Variants in DDX3X observed in about 807,000 individuals in gnomAD.
The protein encoded by DDX3X is DEAD-box helicase 3 X-linked.
DDX3X carries 4 observed loss-of-function variants against 52.7 expected under a neutral mutation model. The ratio of observed to expected loss-of-function variants is 0.08; its 90% CI spans 0.04 to 0.17. The LOEUF (loss-of-function observed/expected upper bound fraction) is 0.17. Ranked by LOEUF, DDX3X falls within the 10% of genes least tolerant of loss-of-function variation. The pLI is 1.00. For synonymous variants in DDX3X, 192 were observed against 178.1 expected (o/e 1.08, Z -0.62); for missense variants, 222 against 548.6 (o/e 0.40, Z 5.95).
intron 15 of DDX3X, 94 bp from the exon 16 acceptor site, chrX:41,347,218 A>G (rs747021690): frequency 9.6e-7 from 1 of 1,044,255 alleles, no homozygotes; most frequent in East Asian, 3.1e-5. Flanking sequence ...GAATTGTTTG[A>G]ATGGAAAAAT....
intron 5 of DDX3X, among the ~76,000 whole-genome samples, chrX:41,357,320 G>C (rs1311887581): frequency 1.8e-5 from 2 of 110,966 alleles, no homozygotes; most frequent in Non-Finnish European, 3.8e-5. Context: ...AAGTAATTTA[G>C]CTCTTCTAGT....
At chrX:41,341,816 A>G in intron 4 of DDX3X, 200 bp downstream of exon 4, 2 of 369,743 alleles carry the variant, frequency 5.4e-6, no homozygotes, top group Non-Finnish European at 9.3e-6. Flanking sequence ...TAATGAAATG[A>G]GTTATTCTAT....
chrX:41,345,524 C>T lies in DDX3X; in HGVS notation c.1291C>T (p.Leu431=), dbSNP rs2063911566. 3 of 1,202,984 alleles carry T rather than the reference C, an allele frequency of 2.5e-6. No individual in the cohort carries two copies. Among genetic ancestry groups the T allele is most frequent in the Non-Finnish European group, 3.4e-6 (3 of 892,368 alleles). ...GGAAGAATCAGACAAACGGTCATTTCTGCTTGACCTCCTAAATGCAACAGG... is the reference window on the plus strand; with the variant it reads ...GGAAGAATCAGACAAACGGTCATTTTTGCTTGACCTCCTAAATGCAACAGG... The part of the protein sequence containing the change: ...WVEESDKRSF[L]LDLLNATGKD... Residue 431 remains leucine, a synonymous_variant, in exon 12 of 17, where the codon CTG becomes TTG. Transcript: ENST00000644876.
At position 41,347,862 on chromosome X, in the gene DDX3X, A is replaced by G; in HGVS notation, c.*143A>G. 4.6e-6 allele frequency: 2 copies of G among 434,287 alleles called. No homozygotes were observed. The highest frequency in any genetic ancestry group is 7.9e-6 in the Non-Finnish European group (2 of 251,936). 35.8% of individuals were successfully genotyped at this position (434,287 alleles called of 1,213,427 possible). On this transcript the variant is annotated 3_prime_UTR_variant, in exon 17 of 17. Transcript: ENST00000644876. Reference sequence around the variant, plus strand: ...TCCACTGAAATTTTTTTTTTAAGGGAGCTCAAGGTCACAAGAAGAAATGAA... The same window carrying G: ...TCCACTGAAATTTTTTTTTTAAGGGGGCTCAAGGTCACAAGAAGAAATGAA...
At chrX:41,341,668 G>C in intron 4 of DDX3X, 52 bp downstream of exon 4, 1 of 1,114,410 alleles carries the variant, frequency 9.0e-7, no homozygotes. Flanking sequence ...AGTTTAATAA[G>C]TCGTTATCCT....
chrX:41,337,475 A>G lies in DDX3X; in HGVS notation c.103+10A>G. On this transcript the variant is annotated intron_variant, in intron 2 of 16. Transcript: ENST00000644876. ...GGAAGTACAGCCAGCAGTAAGTACA[A>G]CATCTTGTGGGTTTATTGAATATTA... 8.4e-7 allele frequency: 1 copy of G among 1,185,767 alleles called. No homozygotes were observed. Among genetic ancestry groups the G allele is most frequent in the African/African-American group, 1.7e-5 (1 of 57,280 alleles).
At chrX:41,338,320 CTTAT>C (rs1398743252) in intron 2 of DDX3X, 2 of 111,447 alleles carry the variant, frequency 1.8e-5, no homozygotes, top group Non-Finnish European at 3.8e-5. Context: ...TAACTTTCAC[CTTAT>C]TTGTCATGCT....
chrX:41,340,612 G>T (rs765273813), intron 3 of DDX3X: 10 of 269,422 alleles, frequency 3.7e-5, no homozygotes, highest in Admixed American at 1.3e-4. Flanking sequence ...AATATATAGT[G>T]ATGAGGGTTT....
At chrX:41,347,483 G>C in intron 16 of DDX3X, 32 bp downstream of exon 16, 1 of 1,198,180 alleles carries the variant, frequency 8.3e-7, no homozygotes, top group Non-Finnish European at 1.1e-6. Flanking sequence ...ATAGCTTTGG[G>C]AAGGGTTTTT....
At chrX:41,362,988 A>G (rs1313517765) in intron 5 of DDX3X, among the ~76,000 whole-genome samples, 1 of 112,368 alleles carries the variant, frequency 8.9e-6, no homozygotes, top group African/African-American at 3.2e-5. Context: ...TAAAAGTAAA[A>G]TGCTCTCTAT....
At chrX:41,345,348 T>C (rs1263124692) in intron 11 of DDX3X, 24 bp downstream of exon 11, 1 of 1,202,639 alleles carries the variant, frequency 8.3e-7, no homozygotes, top group Non-Finnish European at 1.1e-6. Flanking sequence ...TTGCAAATTT[T>C]ATTTATTTAG....
chrX:41,334,815 G>T (rs181703578), intron 1 of DDX3X: 1 of 877,670 alleles, frequency 1.1e-6, no homozygotes, highest in African/African-American at 2.1e-5. Flanking sequence ...CTTCGCTCGG[G>T]GTAATGGCGG....
chrX:41,343,921 AG>A lies in DDX3X; in HGVS notation c.765+100del, dbSNP rs757557752. On this transcript the variant is annotated intron_variant, in intron 8 of 16. Transcript: ENST00000644876. Reference sequence around the variant, plus strand: ...CTAAGACTTAAGTAGAATGAAAACCAGTTTTCAAGTGTAATCTGTAATCTAT... The same window carrying A: ...CTAAGACTTAAGTAGAATGAAAACCATTTTCAAGTGTAATCTGTAATCTAT... The A allele has an allele frequency of 4.2e-4, 416 of 986,246 alleles. 1 individual carries two copies. Among genetic ancestry groups the A allele is most frequent in the Non-Finnish European group, 2.8e-4 (200 of 714,141 alleles). 81.3% of individuals were successfully genotyped at this position (986,246 alleles called of 1,213,427 possible). A position where few individuals can be genotyped will look rare whatever the true frequency, so the allele number is the denominator to read the frequency against.
intron 4 of DDX3X, 21 bp downstream of exon 4, chrX:41,341,637 C>A (rs1418689520): frequency 8.4e-7 from 1 of 1,196,014 alleles, no homozygotes; most frequent in South Asian, 1.8e-5. Context: ...TCTTAATCAC[C>A]TTACGTGTAT....
intron 4 of DDX3X, chrX:41,342,062 T>C (rs937725998): frequency 5.9e-5 from 9 of 152,948 alleles, no homozygotes; most frequent in African/African-American, 2.8e-4. Flanking sequence ...GATTATTTTC[T>C]ACCTTTTATC....
intron 6 of DDX3X, 135 bp from the exon 7 acceptor site, chrX:41,343,081 C>T (rs1198655349): frequency 3.6e-6 from 3 of 835,931 alleles, no homozygotes; most frequent in African/African-American, 4.2e-5. Context: ...TGGTTTTTCT[C>T]AAAGTATAAT....
Position 41,334,196 on chromosome X carries a change from G to C in DDX3X, c.-57G>C. Reference sequence around the variant, plus strand: ...GTTCTCCCGTGAGAGGGCCTTCGCGGTGGAACAAACACTCGCTTAGCAGCG... The same window carrying C: ...GTTCTCCCGTGAGAGGGCCTTCGCGCTGGAACAAACACTCGCTTAGCAGCG... On this transcript the variant is annotated 5_prime_UTR_variant, in exon 1 of 17. Transcript: ENST00000644876. 1 of 1,153,098 alleles carries C rather than the reference G, an allele frequency of 8.7e-7. No homozygotes were observed. The highest frequency in any genetic ancestry group is 3.0e-5 in the East Asian group (1 of 32,944).
In DDX3X at chrX:41,348,751, C is replaced by A; in HGVS notation, c.*1032C>A. The A allele has an allele frequency of 8.9e-6, 1 of 112,182 alleles. No homozygotes were observed. The highest frequency in any genetic ancestry group is 2.8e-4 in the East Asian group (1 of 3,600). The allele number at this position is 112,182 out of a possible 1,213,427, so 9.2% of individuals were successfully genotyped here. On this transcript the variant is annotated 3_prime_UTR_variant, in exon 17 of 17. Coordinates refer to ENST00000644876, the MANE Select transcript of DDX3X (RefSeq NM_001356.5). ...GGGTATGAACAGGAAGAATTAAATG[C>A]AGCAGGCTTTATTTTAAATGCCGAT...
At chrX:41,351,819 T>A (rs1316492823), downstream of DDX3X, among the ~76,000 whole-genome samples, 1 of 110,988 alleles carries the variant, frequency 9.0e-6, no homozygotes, top group Non-Finnish European at 1.9e-5. Flanking sequence ...TACACTTGAC[T>A]GGGTTTTTAG....
Sources: gnomAD v4.1 joint callset for allele counts (sites outside exome capture counted in the v4.1 genomes callset) on GRCh38, gnomAD v4.1.1 for gene constraint, MANE v1.5 for transcripts, NCBI Gene and HGNC (gene_info 2026-07-23, HGNC 2026-07-21) for gene names.